The following ARHGAP1 variants were observed in gnomAD, a reference collection of about 807,000 sequenced individuals.
The protein encoded by ARHGAP1 is rho GTPase-activating protein 1.
Under a neutral mutation model 52.2 loss-of-function variants are expected in ARHGAP1, and 23 were observed. That is an observed-to-expected ratio of 0.44 (90% confidence interval 0.32 to 0.62). ARHGAP1 has a LOEUF of 0.62. Among genes scored for constraint, ARHGAP1 ranks in the 20% least tolerant of loss-of-function variants. The pLI is 0.05. For missense variants in ARHGAP1, 480 were observed against 560.9 expected, an observed-to-expected ratio of 0.86 and a Z score of 1.46; for synonymous variants, 210 against 228.4, an observed-to-expected ratio of 0.92 and a Z score of 0.73.
intron 1 of ARHGAP1, among the ~76,000 whole-genome samples, chr11:46,699,974 A>G (rs2064688682): frequency 6.6e-6 from 1 of 151,964 alleles, no homozygotes; most frequent in African/African-American, 2.4e-5. Context: ...GTTCGAGACC[A>G]GCCTGGCCAA....
Position 46,679,334 on chromosome 11 carries a change from T to G in ARHGAP1, c.1131+31A>C, listed in dbSNP as rs907805944. ...GCGGCAGCTCCTCCTTCCCCCTCCC[T>G]TCACCCCAGAGGCCAAGTCCAAGGT... On this transcript the variant is annotated intron_variant, in intron 12 of 12. Coordinates refer to ENST00000311956, the MANE Select transcript of ARHGAP1 (RefSeq NM_004308.5). The surrounding 1 kb of genome is among the most constrained non-coding windows in gnomAD (Gnocchi z 4.4). The G allele has an allele frequency of 9.9e-6, 16 of 1,611,590 alleles. No homozygotes were observed. In the African/African-American group the frequency reaches 2.1e-4, roughly 22 times the overall value.
At position 46,678,122 on chromosome 11, in the gene ARHGAP1, G is replaced by A; in HGVS notation, c.*915C>T. 1 of 297,562 alleles carries A rather than the reference G, an allele frequency of 3.4e-6. No homozygotes were observed. Among genetic ancestry groups the A allele is most frequent in the South Asian group, 2.5e-5 (1 of 39,318 alleles). The allele number at this position is 297,562 out of a possible 1,614,324, so 18.4% of individuals were successfully genotyped here. The stretch of plus-strand genomic sequence containing the variant: ...GAGGAAGGAGCCATAAGATCCTGAG[G>A]CACTGAGTCACCTCTGGCTGGGGCA... On this transcript the variant is annotated 3_prime_UTR_variant, in exon 13 of 13. Transcript: ENST00000311956.
In ARHGAP1 at chr11:46,680,464, G is replaced by A. The variant is rs373706197; in HGVS notation, c.820+23C>T. 6.2e-4 allele frequency: 1,007 copies of A among 1,612,896 alleles called. 1 individual carries two copies. Among genetic ancestry groups the A allele is most frequent in the Non-Finnish European group, 7.7e-4 (909 of 1,179,190 alleles). ...AAGGGAGCCGGGAGACCTGGCTGGT[G>A]AGGAGGCAGGCCCGGCACTCACCGT... On this transcript the variant is annotated intron_variant, in intron 9 of 12. Transcript: ENST00000311956. The surrounding 1 kb of genome is among the most constrained non-coding windows in gnomAD (Gnocchi z 5.9).
chr11:46,679,988 G>A lies in ARHGAP1; in HGVS notation c.899-212C>T, dbSNP rs944034442. Among the ~76,000 whole-genome samples, 7 of 152,154 alleles carry A rather than the reference G, an allele frequency of 4.6e-5. No homozygotes were observed. The highest frequency in any genetic ancestry group is 1.4e-4 in the African/African-American group (6 of 41,428). On this transcript the variant is annotated intron_variant, in intron 10 of 12. Coordinates refer to ENST00000311956, the MANE Select transcript of ARHGAP1 (RefSeq NM_004308.5). The surrounding 1 kb of genome is among the most constrained non-coding windows in gnomAD (Gnocchi z 4.4). ...GAAGTGGGGCCCGGCACACCCCACC[G>A]TTATTCCTTGCCTCTGAATGTGCCT...
chr11:46,677,944 G>GA lies in ARHGAP1; in HGVS notation c.*1092dup, dbSNP rs34845803. 0.11 allele frequency: 35,500 copies of GA among 336,794 alleles called. No individual in the cohort carries two copies. Among genetic ancestry groups the GA allele is most frequent in the South Asian group, 0.15 (7,052 of 46,770 alleles). 20.9% of individuals were successfully genotyped at this position (336,794 alleles called of 1,614,324 possible). On this transcript the variant is annotated 3_prime_UTR_variant, in exon 13 of 13. Coordinates refer to ENST00000311956, the MANE Select transcript of ARHGAP1 (RefSeq NM_004308.5). ...GGTGACAGAGCGAGACTCCATCTCA[G>GA]AAAAAAAAAAAAAAAGGTGGCCCTA...
At position 46,682,113 on chromosome 11, in the gene ARHGAP1, C is replaced by G. The variant is rs1448060162; in HGVS notation, c.387G>C (p.Leu129=). ...DYTLLYLHHG[L]TSDNKPSLSW... Reference sequence around the variant, plus strand: ...TGAGGGAGGGCTTGTTGTCGCTGGTCAGGCCGTGGTGCAGATACAGAAGTG... The same window carrying G: ...TGAGGGAGGGCTTGTTGTCGCTGGTGAGGCCGTGGTGCAGATACAGAAGTG... Residue 129 remains leucine, a synonymous_variant, in exon 5 of 13, where the codon CTG becomes CTC. Coordinates refer to ENST00000311956, the MANE Select transcript of ARHGAP1 (RefSeq NM_004308.5). 1 of 1,614,064 alleles carries G rather than the reference C, an allele frequency of 6.2e-7. No individual in the cohort carries two copies. The highest frequency in any genetic ancestry group is 1.7e-5 in the Admixed American group (1 of 60,006).
At chr11:46,692,977 T>C (rs4752811) in intron 3 of ARHGAP1, among the ~76,000 whole-genome samples, 151,960 of 152,144 alleles carry the variant, frequency 1, 75,888 homozygotes, top group Middle Eastern at 1. Flanking sequence ...CTCAGGCTCC[T>C]GAGTAGCTGG....
chr11:46,689,977 C>T (rs985602975), intron 3 of ARHGAP1, among the ~76,000 whole-genome samples: 2 of 152,236 alleles, frequency 1.3e-5, no homozygotes, highest in Non-Finnish European at 2.9e-5. Flanking sequence ...ACCTTCTCAG[C>T]ATGTTTCAGC....
chr11:46,681,209 C>T lies in ARHGAP1; in HGVS notation c.536+84G>A. 1 of 1,542,032 alleles carries T rather than the reference C, an allele frequency of 6.5e-7. No individual in the cohort carries two copies. Among genetic ancestry groups the T allele is most frequent in the Non-Finnish European group, 9.0e-7 (1 of 1,114,852 alleles). ...CAGTTCAGACGGAAGCCCAGCCGCA[C>T]CTGGTGGTCCCCAGGCTGCCCAGCC... On this transcript the variant is annotated intron_variant, in intron 6 of 12. Transcript: ENST00000311956. The surrounding 1 kb of genome is among the most constrained non-coding windows in gnomAD (Gnocchi z 5.7).
chr11:46,678,326 C>A lies in ARHGAP1; in HGVS notation c.*711G>T. On this transcript the variant is annotated 3_prime_UTR_variant, in exon 13 of 13. Transcript: ENST00000311956. ...GGGAGGTTTCAAGTGGATGCTGGGA[C>A]TCTGAGCCATGTCATCCAAGCTACC... 5.8e-6 allele frequency: 1 copy of A among 171,878 alleles called. No homozygotes were observed. Among genetic ancestry groups the A allele is most frequent in the Non-Finnish European group, 1.3e-5 (1 of 78,732 alleles). The allele number at this position is 171,878 out of a possible 1,614,324, so 10.6% of individuals were successfully genotyped here.
In ARHGAP1 at chr11:46,680,109, G is replaced by A; in HGVS notation, c.898+96C>T. ...GAGCCACGGAAACCTCCAGCAGGAA[G>A]AGACTCTGAGACTCTCATTTACAGG... On this transcript the variant is annotated intron_variant, in intron 10 of 12. Transcript: ENST00000311956. This position sits in a 1 kb window ranked among gnomAD's most constrained non-coding sequence, Gnocchi z 5.9. The A allele has an allele frequency of 7.2e-7, 1 of 1,394,890 alleles. No homozygotes were observed. The highest frequency in any genetic ancestry group is 1.0e-6 in the Non-Finnish European group (1 of 987,028). The allele number at this position is 1,394,890 out of a possible 1,614,324, so 86.4% of individuals were successfully genotyped here.
chr11:46,678,165 G>T lies in ARHGAP1; in HGVS notation c.*872C>A. On this transcript the variant is annotated 3_prime_UTR_variant, in exon 13 of 13. Coordinates refer to ENST00000311956, the MANE Select transcript of ARHGAP1 (RefSeq NM_004308.5). ...CTGGGGCAGGGGCCAGTGTGACTCC[G>T]TAACAGACAGGTCCACAAGAACATG... The T allele has an allele frequency of 4.1e-6, 1 of 244,012 alleles. No homozygotes were observed. Among genetic ancestry groups the T allele is most frequent in the Non-Finnish European group, 8.3e-6 (1 of 119,932 alleles). The allele number at this position is 244,012 out of a possible 1,614,324, so 15.1% of individuals were successfully genotyped here.
At chr11:46,682,274 A>C in intron 4 of ARHGAP1, 92 bp from the exon 5 acceptor site, 3 of 1,534,592 alleles carry the variant, frequency 2.0e-6, no homozygotes, top group Non-Finnish European at 2.7e-6. Flanking sequence ...CCACCACGTC[A>C]CAGCCCCTTC....
In ARHGAP1 at chr11:46,680,849, T is replaced by C; in HGVS notation, c.636-102A>G. The C allele has an allele frequency of 1.1e-5, 12 of 1,083,512 alleles. No individual in the cohort carries two copies. Among genetic ancestry groups the C allele is most frequent in the Non-Finnish European group, 1.5e-5 (11 of 753,702 alleles). The allele number at this position is 1,083,512 out of a possible 1,614,324, so 67.1% of individuals were successfully genotyped here. Reference sequence around the variant, plus strand: ...ACGCGGGGTCAGGAGGATCATCTCATGCGATCTCTGTAACAACTCCGCTTT... The same window carrying C: ...ACGCGGGGTCAGGAGGATCATCTCACGCGATCTCTGTAACAACTCCGCTTT... On this transcript the variant is annotated intron_variant, in intron 7 of 12. Transcript: ENST00000311956. This position sits in a 1 kb window ranked among gnomAD's most constrained non-coding sequence, Gnocchi z 5.9.
chr11:46,699,560 G>A (rs774840131), intron 1 of ARHGAP1, among the ~76,000 whole-genome samples: 3 of 135,306 alleles, frequency 2.2e-5, no homozygotes, highest in Admixed American at 7.1e-5. Flanking sequence ...AAAATTAGCC[G>A]GGTGTGGTGG....
intron 3 of ARHGAP1, among the ~76,000 whole-genome samples, chr11:46,691,876 C>T (rs1233838064): frequency 6.6e-6 from 1 of 152,228 alleles, no homozygotes; most frequent in Non-Finnish European, 1.5e-5. Flanking sequence ...GCATGAGCCA[C>T]AGCACCTGGC....
rs569095883 is a variant in ARHGAP1, at chr11:46,695,903, T to G, written c.133+72A>C. The G allele has an allele frequency of 1.5e-4, 234 of 1,609,488 alleles. No individual in the cohort carries two copies. In the African/African-American group the frequency reaches 3.0e-3, roughly 20 times the overall value. ...TCTGCCCCATCCTGCCCTCCTGGCG[T>G]CTCCCTTCAGCAGAAGGAGTGCTTC... On this transcript the variant is annotated intron_variant, in intron 2 of 12. Transcript: ENST00000311956.
At chr11:46,687,048 ACCCACATCCACTGACTTC>A (rs1312648597) in intron 4 of ARHGAP1, 1 of 152,012 alleles carries the variant, frequency 6.6e-6, no homozygotes, top group Non-Finnish European at 1.5e-5. Context: ...GGTGCTTTCC[ACCCACATCCACTGACTTC>A]CTCCCACTTC....
At chr11:46,699,778 A>G (rs1287304685) in intron 1 of ARHGAP1, among the ~76,000 whole-genome samples, 1 of 152,086 alleles carries the variant, frequency 6.6e-6, no homozygotes, top group Non-Finnish European at 1.5e-5. Flanking sequence ...CCACAATACA[A>G]CAGCAATTAC....
Sources: gnomAD v4.1 joint callset for allele counts (sites outside exome capture counted in the v4.1 genomes callset) on GRCh38, gnomAD v4.1.1 for gene constraint, Gnocchi (gnomAD v3.1) non-coding constraint, MANE v1.5 for transcripts, NCBI Gene and HGNC (gene_info 2026-07-23, HGNC 2026-07-21) for gene names.